THEMIS: variants seen among roughly 807,000 people sequenced by gnomAD.
THEMIS encodes protein THEMIS.
Under a neutral mutation model 52.6 loss-of-function variants are expected in THEMIS, and 37 were observed. That is an observed-to-expected ratio of 0.70 (90% CI 0.54 to 0.93). THEMIS has a LOEUF of 0.93. THEMIS is among the 40% of genes least tolerant of loss of function. THEMIS has a pLI of 0.00. For synonymous variants in THEMIS, 292 were observed against 272.7 expected (o/e 1.07, Z -0.70); for missense variants, 808 against 763.1 (o/e 1.06, Z -0.69).
chr6:127,808,617 T>A (rs1431917065), intron 4 of THEMIS, among the ~76,000 whole-genome samples: 1 of 152,190 alleles, frequency 6.6e-6, no homozygotes, highest in Non-Finnish European at 1.5e-5. Context: ...AACAGTTAAC[T>A]AACACATTTA....
intron 1 of THEMIS, among the ~76,000 whole-genome samples, chr6:127,912,323 A>G (rs1379887636): frequency 6.6e-6 from 1 of 152,202 alleles, no homozygotes; most frequent in Non-Finnish European, 1.5e-5. Context: ...TTACAGGCTC[A>G]TAAGTGGAGG....
At chr6:127,783,763 T>A (rs1191587407) in intron 4 of THEMIS, among the ~76,000 whole-genome samples, 1 of 152,110 alleles carries the variant, frequency 6.6e-6, no homozygotes, top group Non-Finnish European at 1.5e-5. Flanking sequence ...TGTGGAGAAA[T>A]ACGAACACTG....
intron 4 of THEMIS, among the ~76,000 whole-genome samples, chr6:127,789,396 C>CA (rs950307194): frequency 1.3e-5 from 2 of 151,880 alleles, no homozygotes; most frequent in Admixed American, 6.6e-5. Context: ...GCTTACCAAT[C>CA]AAAAAAAGCC....
chr6:127,769,459 AT>A (rs1328932978), intron 4 of THEMIS, among the ~76,000 whole-genome samples: 3 of 150,738 alleles, frequency 2.0e-5, no homozygotes, highest in Non-Finnish European at 4.4e-5. Flanking sequence ...TTCATCCCTC[AT>A]TTTACAAGTG....
chr6:127,908,723 C>T (rs1338161822), intron 1 of THEMIS, among the ~76,000 whole-genome samples: 1 of 152,084 alleles, frequency 6.6e-6, no homozygotes, highest in Non-Finnish European at 1.5e-5. Flanking sequence ...TTTCCTCTGA[C>T]TTTTATATAG....
chr6:127,718,415 C>T (rs1774245642), intron 5 of THEMIS, among the ~76,000 whole-genome samples: 1 of 151,864 alleles, frequency 6.6e-6, no homozygotes, highest in Admixed American at 6.6e-5. Context: ...GCAGGTGCTG[C>T]TCTGGTCTGT....
intron 4 of THEMIS, among the ~76,000 whole-genome samples, chr6:127,811,774 C>T (rs1030144727): frequency 9.2e-5 from 14 of 152,228 alleles, no homozygotes; most frequent in African/African-American, 3.1e-4. Flanking sequence ...CCCTTCAAAA[C>T]AATAGCAACA....
intron 1 of THEMIS, among the ~76,000 whole-genome samples, chr6:127,870,664 A>T (rs965219133): frequency 1.3e-5 from 2 of 152,224 alleles, no homozygotes; most frequent in African/African-American, 4.8e-5. Flanking sequence ...GTGAATATTT[A>T]TCAACAGAAA....
chr6:127,765,834 A>T (rs1464600776), intron 4 of THEMIS, among the ~76,000 whole-genome samples: 1 of 152,040 alleles, frequency 6.6e-6, no homozygotes, highest in African/African-American at 2.4e-5. Context: ...GCTTAAGTAC[A>T]CTCTATAATA....
chr6:127,791,518 C>A (rs1015609540), intron 4 of THEMIS, among the ~76,000 whole-genome samples: 8 of 152,166 alleles, frequency 5.3e-5, no homozygotes, highest in African/African-American at 1.9e-4. Context: ...ATGGGAGGCC[C>A]CAGAGCAAGC....
chr6:127,742,212 G>A (rs1775225663), intron 4 of THEMIS, among the ~76,000 whole-genome samples: 3 of 151,672 alleles, frequency 2.0e-5, no homozygotes, highest in Admixed American at 6.6e-5. Flanking sequence ...CTACTTGGGA[G>A]GCTGAGGCAA....
At chr6:127,756,490 A>G (rs1004953693) in intron 4 of THEMIS, among the ~76,000 whole-genome samples, 3 of 152,196 alleles carry the variant, frequency 2.0e-5, no homozygotes, top group African/African-American at 4.8e-5. Context: ...AAAAACCATT[A>G]CAGAAACCAT....
At chr6:127,867,683 G>A (rs893034358) in intron 1 of THEMIS, among the ~76,000 whole-genome samples, 4 of 152,014 alleles carry the variant, frequency 2.6e-5, no homozygotes, top group Admixed American at 6.6e-5. Context: ...CAGAAGAAAC[G>A]GAGAACAGAT....
In THEMIS at chr6:127,875,431, C is replaced by A. The variant is rs576308130; in HGVS notation, c.92-20243G>T. Among the ~76,000 whole-genome samples the A allele has an allele frequency of 2.0e-5, 3 of 152,260 alleles. No individual in the cohort carries two copies. The South Asian group carries it at 6.2e-4, about 32-fold the overall frequency. On this transcript the variant is annotated intron_variant, in intron 1 of 5. Coordinates refer to ENST00000368248, the MANE Select transcript of THEMIS (RefSeq NM_001010923.3). ...AACTGCAGAAAGCCATTAGGGAAGT[C>A]AACATAGCAGGGAGAAAGGCGAGTA...
chr6:127,738,912 T>C (rs1253980011), intron 4 of THEMIS, among the ~76,000 whole-genome samples: 3 of 152,206 alleles, frequency 2.0e-5, no homozygotes, highest in Non-Finnish European at 4.4e-5. Context: ...ATTATATTAG[T>C]TTCCTAGGGC....
At chr6:127,867,183 A>G (rs1317745457) in intron 1 of THEMIS, among the ~76,000 whole-genome samples, 3 of 152,040 alleles carry the variant, frequency 2.0e-5, no homozygotes, top group African/African-American at 4.8e-5. Context: ...TACTTAGGCA[A>G]GTAATTTCTC....
intron 2 of THEMIS, among the ~76,000 whole-genome samples, chr6:127,844,852 T>C (rs565884617): frequency 6.6e-6 from 1 of 152,112 alleles, no homozygotes; most frequent in South Asian, 2.1e-4. Flanking sequence ...TTCTAGCTCA[T>C]AAAATACTTC....
At chr6:127,830,741 G>C (rs1011419549) in intron 2 of THEMIS, among the ~76,000 whole-genome samples, 1 of 152,030 alleles carries the variant, frequency 6.6e-6, no homozygotes, top group Non-Finnish European at 1.5e-5. Context: ...GCTTGGACTA[G>C]ATAGATAGCA....
intron 4 of THEMIS, among the ~76,000 whole-genome samples, chr6:127,776,812 T>C (rs1194550697): frequency 2.6e-5 from 4 of 152,236 alleles, no homozygotes; most frequent in Admixed American, 2.6e-4. Flanking sequence ...TTGTTTACAT[T>C]AATAGGTTTT....
Sources: gnomAD v4.1 joint callset for allele counts (sites outside exome capture counted in the v4.1 genomes callset) on GRCh38, gnomAD v4.1.1 for gene constraint, MANE v1.5 for transcripts, NCBI Gene and HGNC (gene_info 2026-07-23, HGNC 2026-07-21) for gene names.